Variants in ASNS observed in about 807,000 individuals in gnomAD.
ASNS encodes the protein asparagine synthetase [glutamine-hydrolyzing].
ASNS carries 37 observed loss-of-function variants against 62.6 expected under a neutral mutation model. The ratio of observed to expected loss-of-function variants is 0.59; its 90% CI spans 0.45 to 0.78. ASNS has a LOEUF of 0.78. Among genes scored for constraint, ASNS ranks in the 30% least tolerant of loss-of-function variants. ASNS has a pLI of 0.00. For missense variants in ASNS, 520 were observed against 682.4 expected (o/e 0.76, Z 2.65); for synonymous variants, 207 against 237.9 (o/e 0.87, Z 1.19).
intron 3 of ASNS, among the ~76,000 whole-genome samples, chr7:97,868,151 A>T (rs1053748947): frequency 1.3e-5 from 2 of 152,154 alleles, no homozygotes; most frequent in Non-Finnish European, 2.9e-5. Context: ...TTACTAAAAT[A>T]CAAAAAATTA....
rs1240718924 is a variant in ASNS, at chr7:97,864,326, A to G, written c.420T>C (p.Tyr140=). 1 of 1,613,804 alleles carries G rather than the reference A, an allele frequency of 6.2e-7. No individual in the cohort carries two copies. Among genetic ancestry groups the G allele is most frequent in the Non-Finnish European group, 8.5e-7 (1 of 1,179,784 alleles). The part of the protein sequence containing the change: ...NKKVFLGRDT[Y]GVRPLFKAMT... ...TTGCTTTAAACAAAGGTCTGACTCC[A>G]TATGTATCTCTACCCAGGAACACTT... Residue 140 remains tyrosine (Y), a synonymous_variant, in exon 4 of 13, where the codon TAT becomes TAC. Transcript: ENST00000394308.
At chr7:97,925,966 C>T in the ASNS span, among the ~76,000 whole-genome samples, 11,921 of 151,880 alleles carry the variant, frequency 0.078, 931 homozygotes, top group African/African-American at 0.21. Flanking sequence ...GTTTTCTAGG[C>T]GTCTTAATGG....
At chr7:97,918,100 G>A in the ASNS span, among the ~76,000 whole-genome samples, 1 of 152,076 alleles carries the variant, frequency 6.6e-6, no homozygotes, top group Non-Finnish European at 1.5e-5. Context: ...GGGCTGGGGG[G>A]ACTGTGGGGT....
the ASNS span, among the ~76,000 whole-genome samples, chr7:97,895,749 C>T: frequency 6.6e-6 from 1 of 152,126 alleles, no homozygotes; most frequent in African/African-American, 2.4e-5. Flanking sequence ...CAAGATTGCA[C>T]TACCGCACTC....
the ASNS span, among the ~76,000 whole-genome samples, chr7:97,920,067 G>A: frequency 2.6e-5 from 4 of 151,674 alleles, no homozygotes; most frequent in South Asian, 8.4e-4. Flanking sequence ...GAGTACAGTG[G>A]CACAATCTCA....
At chr7:97,925,335 G>C in the ASNS span, among the ~76,000 whole-genome samples, 12 of 152,082 alleles carry the variant, frequency 7.9e-5, no homozygotes, top group Non-Finnish European at 1.5e-5. Flanking sequence ...AGGGACCCAA[G>C]CTCGACACTC....
the ASNS span, among the ~76,000 whole-genome samples, chr7:97,885,276 A>G: frequency 6.6e-6 from 1 of 152,186 alleles, no homozygotes; most frequent in Admixed American, 6.5e-5. Context: ...ACCATGTTCT[A>G]TTTCTCCACT....
At chr7:97,897,207 G>A in the ASNS span, among the ~76,000 whole-genome samples, 1 of 152,088 alleles carries the variant, frequency 6.6e-6, no homozygotes, top group Non-Finnish European at 1.5e-5. Context: ...AATCAACAGA[G>A]TGAAAAGACA....
chr7:97,856,769 A>T lies in ASNS; in HGVS notation c.951T>A (p.Ser317=), dbSNP rs1426320931. Residue 317 remains serine (S), a synonymous_variant, in exon 8 of 13, where the codon TCT becomes TCA. Coordinates refer to ENST00000394308, the MANE Select transcript of ASNS (RefSeq NM_001673.5). Reference sequence around the variant, plus strand: ...CATCCAGAGCCTGAATGCCTTCCTCAGAGTTAAAAAGGACTTCATAATGTT... The same window carrying T: ...CATCCAGAGCCTGAATGCCTTCCTCTGAGTTAAAAAGGACTTCATAATGTT... ...GSEHYEVLFN[S]EEGIQALDEV... The T allele has an allele frequency of 2.5e-6, 4 of 1,613,054 alleles. No homozygotes were observed. The highest frequency in any genetic ancestry group is 3.4e-6 in the Non-Finnish European group (4 of 1,179,284).
the ASNS span, among the ~76,000 whole-genome samples, chr7:97,883,886 A>T: frequency 1.3e-4 from 20 of 151,090 alleles, no homozygotes; most frequent in African/African-American, 4.9e-4. Flanking sequence ...TACTTGGGAG[A>T]CTGAGGCAGG....
At position 97,852,297 on chromosome 7, in the gene ASNS, G is replaced by A. The variant is rs398122974; in HGVS notation, c.1648C>T (p.Arg550Cys). 9.9e-6 allele frequency: 16 copies of A among 1,613,974 alleles called. No homozygotes were observed. The highest frequency in any genetic ancestry group is 1.7e-5 in the Admixed American group (1 of 59,956). ...GCTGACTTGTAGTGGGTCAGCGTGC[G>A]GGCAGAAGGGTCAGTGGCATTGATC... ...KWINATDPSA[R>C]TLTHYKSAVK... The change falls in exon 13 of 13, where the codon CGC (arginine) becomes TGC (cysteine). Residue 550 changes from arginine to cysteine, a missense_variant. By Grantham distance (180) the Arg-to-Cys change is radical. Transcript: ENST00000394308.
the ASNS span, among the ~76,000 whole-genome samples, chr7:97,879,183 C>T: frequency 6.6e-6 from 1 of 152,010 alleles, no homozygotes; most frequent in Non-Finnish European, 1.5e-5. Context: ...GACCTAAAAC[C>T]ATAAAAACCC....
At chr7:97,874,185 A>T (rs1363013435), upstream of ASNS, among the ~76,000 whole-genome samples, 2 of 152,224 alleles carry the variant, frequency 1.3e-5, no homozygotes, top group Non-Finnish European at 1.5e-5. Flanking sequence ...GGGACGTTCC[A>T]TGCTGAGAAA....
At chr7:97,897,548 C>T in the ASNS span, among the ~76,000 whole-genome samples, 1 of 152,100 alleles carries the variant, frequency 6.6e-6, no homozygotes, top group South Asian at 2.1e-4. Context: ...CAAATCAAAA[C>T]CACAATGAGA....
chr7:97,898,513 T>C, the ASNS span: 7 of 567,038 alleles, frequency 1.2e-5, no homozygotes, highest in South Asian at 9.4e-5. Context: ...ATGGAGAGGA[T>C]AAATTGGCAA....
upstream of ASNS, among the ~76,000 whole-genome samples, chr7:97,876,003 C>G (rs1562827727): frequency 6.6e-6 from 1 of 151,954 alleles, no homozygotes; most frequent in Non-Finnish European, 1.5e-5. Context: ...ATTACAGACA[C>G]CCACCACCAC....
At position 97,857,616 on chromosome 7, in the gene ASNS, T is replaced by TAAAA. The variant is rs566620938; in HGVS notation, c.903+658_903+661dup. 2.6e-5 allele frequency among the ~76,000 whole-genome samples: 3 copies of TAAAA among 116,136 alleles called. No individual in the cohort carries two copies. In the East Asian group the frequency reaches 7.5e-4, roughly 29 times the overall value. 76.2% of individuals were successfully genotyped at this position (116,136 alleles called of 152,430 possible). A position where few individuals can be genotyped will look rare whatever the true frequency, so the allele number is the denominator to read the frequency against. The stretch of plus-strand genomic sequence containing the variant: ...AGCCATGATACTATGCCTTTACGTT[T>TAAAA]AAAAAAAAAAAAAAAAAAAAACGAA... On this transcript the variant is annotated intron_variant, in intron 7 of 12. Transcript: ENST00000394308.
the ASNS span, among the ~76,000 whole-genome samples, chr7:97,877,739 T>G: frequency 6.6e-6 from 1 of 152,222 alleles, no homozygotes; most frequent in Non-Finnish European, 1.5e-5. Context: ...AACTTCACCT[T>G]TAAAAGACTC....
the ASNS span, among the ~76,000 whole-genome samples, chr7:97,926,222 C>T: frequency 6.6e-6 from 1 of 151,946 alleles, no homozygotes; most frequent in African/African-American, 2.4e-5. Context: ...AAGGGACATC[C>T]AGTCACATTA....
Sources: gnomAD v4.1 joint callset for allele counts (sites outside exome capture counted in the v4.1 genomes callset) on GRCh38, gnomAD v4.1.1 for gene constraint, MANE v1.5 for transcripts, NCBI Gene and HGNC (gene_info 2026-07-23, HGNC 2026-07-21) for gene names.